The following G6PC1 variants were observed in gnomAD, a reference collection of about 807,000 sequenced individuals.
G6PC1 encodes the protein G-6-Pase.
In G6PC1, 23 loss-of-function variants were observed where a neutral mutation model predicts 30.4. The observed-to-expected ratio is 0.76, with a 90% CI of 0.55 to 1.07. The LOEUF (loss-of-function observed/expected upper bound fraction) is 1.07. Among genes scored for constraint, G6PC1 ranks in the 50% least tolerant of loss-of-function variants. The pLI is 0.00. For missense variants in G6PC1, 391 were observed against 433.9 expected (o/e 0.90, Z 0.88); for synonymous variants, 163 against 175.6 (o/e 0.93, Z 0.57).
chr17:42,901,175 T>C, intron 1 of G6PC1, 69 bp downstream of exon 1: 1 of 1,376,344 alleles, frequency 7.3e-7, no homozygotes, highest in Non-Finnish European at 1.0e-6. Flanking sequence ...TGTCTGTCCA[T>C]CAGAAGTTGC....
intron 3 of G6PC1, among the ~76,000 whole-genome samples, chr17:42,908,966 C>T (rs1214866049): frequency 6.6e-6 from 1 of 151,976 alleles, no homozygotes; most frequent in Non-Finnish European, 1.5e-5. Context: ...CCTCGGCCTC[C>T]CAAAGTGCTG....
Position 42,903,935 on chromosome 17 carries a change from C to A in G6PC1, c.235C>A (p.Leu79Ile). The change falls in exon 2 of 5, where the codon CTC becomes ATC. Residue 79 changes from leucine to isoleucine, a missense_variant. By Grantham distance (5) the Leu-to-Ile change is conservative. Transcript: ENST00000253801. ...DWLNLVFKWI[L>I]FGQRPYWWVL... ...ACTTGTTCTGTTTTTCCATAGGATT[C>A]TCTTTGGACAGCGTCCATACTGGTG... 6.2e-7 allele frequency: 1 copy of A among 1,607,770 alleles called. No individual in the cohort carries two copies. The highest frequency in any genetic ancestry group is 8.5e-7 in the Non-Finnish European group (1 of 1,174,268).
At chr17:42,902,549 G>T (rs137967168) in intron 1 of G6PC1, among the ~76,000 whole-genome samples, 3 of 152,028 alleles carry the variant, frequency 2.0e-5, no homozygotes, top group African/African-American at 7.2e-5. Flanking sequence ...ACACCCAGCC[G>T]CATGATTCTA....
chr17:42,913,736 A>G lies in G6PC1; in HGVS notation c.*2310A>G, dbSNP rs1041895620. Among the ~76,000 whole-genome samples, 3 of 152,200 alleles carry G rather than the reference A, an allele frequency of 2.0e-5. No individual in the cohort carries two copies. The highest frequency in any genetic ancestry group is 7.2e-5 in the African/African-American group (3 of 41,454). ...AGGGCACACAAGTTGCAGTAACACAACAAGACTAGGCCAGCTCTGGAATCC... is the reference window on the plus strand; with the variant it reads ...AGGGCACACAAGTTGCAGTAACACAGCAAGACTAGGCCAGCTCTGGAATCC... On this transcript the variant is annotated 3_prime_UTR_variant, in exon 5 of 5. Transcript: ENST00000253801.
chr17:42,908,408 A>ATT (rs549810511), intron 3 of G6PC1, among the ~76,000 whole-genome samples: 9,480 of 133,512 alleles, frequency 0.071, 416 homozygotes, highest in South Asian at 0.18. Flanking sequence ...TGCCACAGGC[A>ATT]TTTTTTTTTT....
chr17:42,901,419 T>C (rs2056025399), intron 1 of G6PC1, among the ~76,000 whole-genome samples: 1 of 151,916 alleles, frequency 6.6e-6, no homozygotes, highest in African/African-American at 2.4e-5. Context: ...AGAGGTAACA[T>C]AAAGAAAGAT....
chr17:42,906,473 A>G (rs1394369598), intron 2 of G6PC1, among the ~76,000 whole-genome samples: 1 of 152,160 alleles, frequency 6.6e-6, no homozygotes, highest in Non-Finnish European at 1.5e-5. Context: ...GCAGAAAGCC[A>G]TCTACCATCA....
rs1042253729 is a variant in G6PC1 at position 42,914,038 on chromosome 17, G to A, written c.*2612G>A. Among the ~76,000 whole-genome samples, 5 of 152,082 alleles carry A rather than the reference G, an allele frequency of 3.3e-5. No homozygotes were observed. Among genetic ancestry groups the A allele is most frequent in the African/African-American group, 4.8e-5 (2 of 41,414 alleles). ...TACTGGATTTGGGCTCTCAGAGGGC[G>A]TTGTGGGAACCAGGCCCCTCACAGA... On this transcript the variant is annotated 3_prime_UTR_variant, in exon 5 of 5. Coordinates refer to ENST00000253801, the MANE Select transcript of G6PC1 (RefSeq NM_000151.4).
chr17:42,911,654 G>A lies in G6PC1; in HGVS notation c.*228G>A, dbSNP rs1223983484. The stretch of plus-strand genomic sequence containing the variant: ...CTTTCAGATGGAGGTGCCATATCAC[G>A]TACACCATATGCAAGTTTCCCGCCA... On this transcript the variant is annotated 3_prime_UTR_variant, in exon 5 of 5. Transcript: ENST00000253801. 5 of 607,060 alleles carry A rather than the reference G, an allele frequency of 8.2e-6. No individual in the cohort carries two copies. The Admixed American group carries it at 8.3e-5, about 10-fold the overall frequency. 37.6% of individuals were successfully genotyped at this position (607,060 alleles called of 1,614,324 possible). A position where few individuals can be genotyped will look rare whatever the true frequency, so the allele number is the denominator to read the frequency against.
chr17:42,908,747 A>G (rs1407728141), intron 3 of G6PC1, among the ~76,000 whole-genome samples: 1 of 125,942 alleles, frequency 7.9e-6, no homozygotes, highest in Non-Finnish European at 1.6e-5. Flanking sequence ...CTTGTTGCCC[A>G]GGCTAGAGTG....
chr17:42,908,594 A>G (rs1350812571), intron 3 of G6PC1, among the ~76,000 whole-genome samples: 3 of 149,056 alleles, frequency 2.0e-5, no homozygotes, highest in African/African-American at 7.5e-5. Flanking sequence ...TTTAGTAGAG[A>G]TGGGGTTTCA....
In G6PC1 at chr17:42,901,109, A is replaced by G; in HGVS notation, c.230+3A>G. On this transcript the variant is annotated splice_donor_region_variant and intron_variant, in intron 1 of 4. Coordinates refer to ENST00000253801, the MANE Select transcript of G6PC1 (RefSeq NM_000151.4). ...TGGCTCAACCTCGTCTTTAAGTGGT[A>G]AGAACCATATAGAGAGGAGATCAGC... 3.1e-6 allele frequency: 5 copies of G among 1,608,952 alleles called. No homozygotes were observed. Among genetic ancestry groups the G allele is most frequent in the Non-Finnish European group, 4.3e-6 (5 of 1,175,248 alleles).
chr17:42,902,786 ACT>A (rs1194686229), intron 1 of G6PC1, among the ~76,000 whole-genome samples: 1 of 152,034 alleles, frequency 6.6e-6, no homozygotes, highest in African/African-American at 2.4e-5. Flanking sequence ...TGTCTGAGAT[ACT>A]CTGTTTCAAA....
intron 2 of G6PC1, among the ~76,000 whole-genome samples, chr17:42,905,414 T>C (rs1184496315): frequency 1.3e-5 from 1 of 79,940 alleles, no homozygotes; most frequent in Non-Finnish European, 2.3e-5. Context: ...AGACACCATC[T>C]GAAAAAAAAA....
intron 1 of G6PC1, among the ~76,000 whole-genome samples, chr17:42,902,596 A>G (rs2056033357): frequency 6.6e-6 from 1 of 152,160 alleles, no homozygotes; most frequent in African/African-American, 2.4e-5. Context: ...CAAACATCTG[A>G]TCTCCATTGA....
In G6PC1 at chr17:42,901,145, G is replaced by T. The variant is rs2056023711; in HGVS notation, c.230+39G>T. The stretch of plus-strand genomic sequence containing the variant: ...AGAGAGGAGATCAGCAAGAAAAGAG[G>T]CTGGCATTCGCTCTCGCAATGTCTG... On this transcript the variant is annotated intron_variant, in intron 1 of 4. Transcript: ENST00000253801. 3.3e-6 allele frequency: 5 copies of T among 1,537,380 alleles called. No individual in the cohort carries two copies. In the South Asian group the frequency reaches 4.5e-5, roughly 14 times the overall value.
chr17:42,913,023 G>GA lies in G6PC1; in HGVS notation c.*1599dup, dbSNP rs1567707159. ...TCATCATGTTGGCCAGGCTGGTCTC[G>GA]AACTCCTGACCTCAAGTGATCCACC... On this transcript the variant is annotated 3_prime_UTR_variant, in exon 5 of 5. Transcript: ENST00000253801. 1 of 151,862 alleles carries GA rather than the reference G, an allele frequency of 6.6e-6. No individual in the cohort carries two copies. The highest frequency in any genetic ancestry group is 2.4e-5 in the African/African-American group (1 of 41,292). The allele number at this position is 151,862 out of a possible 1,614,324, so 9.4% of individuals were successfully genotyped here. A position where few individuals can be genotyped will look rare whatever the true frequency, so the allele number is the denominator to read the frequency against.
intron 4 of G6PC1, among the ~76,000 whole-genome samples, chr17:42,910,043 T>A (rs1444693538): frequency 6.6e-6 from 1 of 152,074 alleles, no homozygotes; most frequent in African/African-American, 2.4e-5. Flanking sequence ...TTTTGTATTT[T>A]TAGCAGAGAC....
In G6PC1 at chr17:42,911,335, G is replaced by A; in HGVS notation, c.983G>A (p.Cys328Tyr). ...VELVFYVLSF[C>Y]KSAVVPLASV... Reference sequence around the variant, plus strand: ...CTGGTCTTCTACGTCTTGTCCTTCTGCAAGAGTGCGGTAGTGCCCCTGGCA... The same window carrying A: ...CTGGTCTTCTACGTCTTGTCCTTCTACAAGAGTGCGGTAGTGCCCCTGGCA... The change falls in exon 5 of 5, where the codon TGC becomes TAC. Residue 328 changes from cysteine to tyrosine, a missense_variant. Transcript: ENST00000253801. 6.2e-7 allele frequency: 1 copy of A among 1,614,158 alleles called. No individual in the cohort carries two copies. The highest frequency in any genetic ancestry group is 8.5e-7 in the Non-Finnish European group (1 of 1,180,030).
Sources: gnomAD v4.1 joint callset for allele counts (sites outside exome capture counted in the v4.1 genomes callset) on GRCh38, gnomAD v4.1.1 for gene constraint, MANE v1.5 for transcripts, NCBI Gene and HGNC (gene_info 2026-07-23, HGNC 2026-07-21) for gene names.